Variants in RNF138 observed in about 807,000 individuals in gnomAD.
RNF138 encodes E3 ubiquitin-protein ligase RNF138.
A neutral mutation model predicts 31.0 loss-of-function variants in RNF138; 12 were observed. The ratio of observed to expected loss-of-function variants is 0.39; its 90% CI spans 0.25 to 0.63. The LOEUF is 0.63. RNF138 is among the 20% of genes least tolerant of loss of function. The probability of loss-of-function intolerance (pLI) is 0.52; values close to 1 mark genes in which losing one functional copy is unlikely to be tolerated. For missense variants in RNF138, 192 were observed against 300.1 expected, an observed-to-expected ratio of 0.64 and a Z score of 2.66; for synonymous variants, 105 against 99.5, an observed-to-expected ratio of 1.06 and a Z score of -0.33.
chr18:32,108,623 T>C (rs2040075222), intron 2 of RNF138, among the ~76,000 whole-genome samples: 1 of 152,206 alleles, frequency 6.6e-6, no homozygotes, highest in African/African-American at 2.4e-5. Flanking sequence ...ATAGTGTGGC[T>C]ATGAACTTTC....
intron 7 of RNF138, among the ~76,000 whole-genome samples, chr18:32,128,264 A>G (rs920393048): frequency 6.6e-6 from 1 of 152,030 alleles, no homozygotes; most frequent in South Asian, 2.1e-4. Flanking sequence ...TCATCTGGGC[A>G]TGATGGCTCA....
rs973052654 is a variant in RNF138, at chr18:32,092,214, A to C, written c.-99A>C. On this transcript the variant is annotated 5_prime_UTR_variant, in exon 1 of 8. Coordinates refer to ENST00000261593, the MANE Select transcript of RNF138 (RefSeq NM_016271.5). ...GTGAAGGAAAAGCAGCTCCGTCCAC[A>C]ACGCCGCTTCGGGGCTCCTAGGTGA... 3 of 152,626 alleles carry C rather than the reference A, an allele frequency of 2.0e-5. No homozygotes were observed. Among genetic ancestry groups the C allele is most frequent in the African/African-American group, 4.8e-5 (2 of 41,468 alleles). 9.5% of individuals were successfully genotyped at this position (152,626 alleles called of 1,614,324 possible).
chr18:32,094,804 T>A (rs1225887050), intron 2 of RNF138, among the ~76,000 whole-genome samples: 1 of 152,084 alleles, frequency 6.6e-6, no homozygotes, highest in Non-Finnish European at 1.5e-5. Flanking sequence ...ATAAAGCAGG[T>A]CTTTTTTGGA....
At chr18:32,106,897 T>G (rs2040038950) in intron 2 of RNF138, among the ~76,000 whole-genome samples, 1 of 152,060 alleles carries the variant, frequency 6.6e-6, no homozygotes, top group African/African-American at 2.4e-5. Context: ...TTTCCAGTAA[T>G]CTCTCTGGTT....
At position 32,130,031 on chromosome 18, in the gene RNF138, T is replaced by A. The variant is rs1256016154; in HGVS notation, c.*844T>A. 6.6e-6 allele frequency: 1 copy of A among 152,364 alleles called. No homozygotes were observed. Among genetic ancestry groups the A allele is most frequent in the Non-Finnish European group, 1.5e-5 (1 of 67,882 alleles). 9.4% of individuals were successfully genotyped at this position (152,364 alleles called of 1,614,324 possible). On this transcript the variant is annotated 3_prime_UTR_variant, in exon 8 of 8. Transcript: ENST00000261593. ...TATTCTAGAAGATATAAATGAGAGG[T>A]TTGGCTTCATCTCAGTTTAGAAATT... is the stretch of plus-strand genomic sequence containing the variant.
At chr18:32,116,515 C>CTT (rs573273752) in intron 4 of RNF138, among the ~76,000 whole-genome samples, 5 of 127,810 alleles carry the variant, frequency 3.9e-5, no homozygotes, top group Admixed American at 1.6e-4. Context: ...GAAGGAAAAG[C>CTT]TTTTTTTTTT....
intron 2 of RNF138, among the ~76,000 whole-genome samples, chr18:32,096,781 C>T (rs578103041): frequency 6.6e-6 from 1 of 152,118 alleles, no homozygotes; most frequent in South Asian, 2.1e-4. Flanking sequence ...GCGAGGAGTG[C>T]AGTGGCATGA....
At chr18:32,117,076 A>AT (rs1470772798) in intron 4 of RNF138, among the ~76,000 whole-genome samples, 3 of 150,960 alleles carry the variant, frequency 2.0e-5, no homozygotes, top group African/African-American at 4.9e-5. Context: ...TAATTTTTGT[A>AT]TTTTTTGTAG....
chr18:32,101,090 C>T (rs146348183), intron 2 of RNF138, among the ~76,000 whole-genome samples: 7 of 152,008 alleles, frequency 4.6e-5, no homozygotes, highest in East Asian at 1.9e-4. Flanking sequence ...GGGCTGTGCT[C>T]GTGCATAGAA....
chr18:32,101,458 C>G (rs759598360), intron 2 of RNF138, among the ~76,000 whole-genome samples: 11 of 151,938 alleles, frequency 7.2e-5, no homozygotes, highest in Non-Finnish European at 1.6e-4. Context: ...GTCTTGAACT[C>G]CTGACCTCAA....
At chr18:32,111,716 T>G (rs751205866) in intron 2 of RNF138, 38 bp from the exon 3 acceptor site, 5 of 1,473,734 alleles carry the variant, frequency 3.4e-6, no homozygotes, top group Non-Finnish European at 4.6e-6. Flanking sequence ...AAGAGAGTAA[T>G]TTTTTTTGTA....
At chr18:32,121,583 C>T (rs958147613) in intron 4 of RNF138, among the ~76,000 whole-genome samples, 3 of 152,166 alleles carry the variant, frequency 2.0e-5, no homozygotes, top group African/African-American at 7.2e-5. Flanking sequence ...TATTATAGTT[C>T]TATAAACCTA....
chr18:32,104,372 A>G (rs2039994233), intron 2 of RNF138, among the ~76,000 whole-genome samples: 1 of 152,166 alleles, frequency 6.6e-6, no homozygotes, highest in African/African-American at 2.4e-5. Flanking sequence ...TATAGCAAAT[A>G]TACCTAGTTG....
At chr18:32,096,778 G>A (rs2039813894) in intron 2 of RNF138, among the ~76,000 whole-genome samples, 1 of 152,098 alleles carries the variant, frequency 6.6e-6, no homozygotes, top group Non-Finnish European at 1.5e-5. Context: ...GTTGCGAGGA[G>A]TGCAGTGGCA....
rs1309524763 is a variant in RNF138, at chr18:32,126,753, G to A, written c.622G>A (p.Val208Ile). The A allele has an allele frequency of 3.7e-6, 6 of 1,607,300 alleles. No individual in the cohort carries two copies. The highest frequency in any genetic ancestry group is 1.3e-5 in the African/African-American group (1 of 74,730). Residue 208 changes from valine (V) to isoleucine (I), a missense_variant, in exon 7 of 8, where the codon GTT becomes ATT. By Grantham distance (29) the Val-to-Ile change is conservative (BLOSUM62 3). Around this residue, in one of 2 missense-constraint regions of RNF138, gnomAD observed 140 missense variants for 251.7 expected, o/e 0.56. Coordinates refer to ENST00000261593, the MANE Select transcript of RNF138 (RefSeq NM_016271.5). ...TCCTAGCCAGATTACCAGAAATTTC[G>A]TTAGTCATCTAAATCAGAGACATCA... Reference protein sequence around the residue: ...GDPSQITRNFVSHLNQRHQFD... With the variant: ...GDPSQITRNFISHLNQRHQFD...
rs915641218 is a variant in RNF138, at chr18:32,127,958, T to C, written c.669+1158T>C. On this transcript the variant is annotated intron_variant, in intron 7 of 7. Coordinates refer to ENST00000261593, the MANE Select transcript of RNF138 (RefSeq NM_016271.5). ...AGCCGGGTGTGTTGGCAGGTGCCTA[T>C]AGTCCCAGCTACTCGGGAGGCTGAG... is the stretch of plus-strand genomic sequence containing the variant. Among the ~76,000 whole-genome samples, 3 of 152,274 alleles carry C rather than the reference T, an allele frequency of 2.0e-5. No individual in the cohort carries two copies. The East Asian group carries it at 5.8e-4, about 29-fold the overall frequency.
At chr18:32,095,751 C>A (rs765269363) in intron 2 of RNF138, among the ~76,000 whole-genome samples, 1 of 152,164 alleles carries the variant, frequency 6.6e-6, no homozygotes, top group Non-Finnish European at 1.5e-5. Flanking sequence ...TATAAACTCC[C>A]GTTTAATCCC....
At chr18:32,126,891 T>C (rs2040392769) in intron 7 of RNF138, 91 bp downstream of exon 7, 1 of 745,352 alleles carries the variant, frequency 1.3e-6, no homozygotes, top group African/African-American at 1.8e-5. Context: ...TGTGGCAAGC[T>C]GTTGTATCTT....
intron 2 of RNF138, among the ~76,000 whole-genome samples, chr18:32,101,218 T>C (rs1005818192): frequency 1.1e-4 from 16 of 150,788 alleles, no homozygotes; most frequent in Non-Finnish European, 1.9e-4. Context: ...AGGTTTCTTT[T>C]TTTTTTTTTT....
Sources: allele counts gnomAD v4.1 joint callset (sites outside exome capture counted in the v4.1 genomes callset), GRCh38; gene constraint gnomAD v4.1.1; regional missense constraint gnomAD v4.1.1; transcripts MANE v1.5; gene names NCBI Gene and HGNC (gene_info 2026-07-23, HGNC 2026-07-21).